Variants in CDYL2 observed in about 807,000 individuals in gnomAD.
CDYL2 encodes the protein chromodomain Y-like protein 2.
CDYL2 carries 23 observed loss-of-function variants against 49.4 expected under a neutral mutation model. The observed-to-expected ratio is 0.47, with a 90% CI of 0.34 to 0.66. The LOEUF is 0.66. CDYL2 is among the 30% of genes least tolerant of loss of function. The pLI is 0.01. For missense variants in CDYL2, 678 were observed against 656.4 expected (o/e 1.03, Z -0.36); for synonymous variants, 360 against 268.8 (o/e 1.34, Z -3.32).
chr16:80,611,460 G>A (rs1366767696), intron 5 of CDYL2, among the ~76,000 whole-genome samples: 5 of 152,132 alleles, frequency 3.3e-5, no homozygotes, highest in African/African-American at 9.7e-5. Flanking sequence ...CCACAGGGGA[G>A]GAGCCGTCAA....
chr16:80,694,062 A>G (rs1487666129), intron 1 of CDYL2, among the ~76,000 whole-genome samples: 2 of 152,262 alleles, frequency 1.3e-5, no homozygotes, highest in Non-Finnish European at 2.9e-5. Context: ...ACCAAGGACC[A>G]GTCTCATGGA....
intron 1 of CDYL2, among the ~76,000 whole-genome samples, chr16:80,698,492 CA>C (rs1392794711): frequency 6.6e-6 from 1 of 152,074 alleles, no homozygotes; most frequent in Non-Finnish European, 1.5e-5. Context: ...GGCCAATAAG[CA>C]TATGTGATAC....
chr16:80,782,659 G>A (rs1169943169), intron 1 of CDYL2, among the ~76,000 whole-genome samples: 1 of 151,536 alleles, frequency 6.6e-6, no homozygotes, highest in Non-Finnish European at 1.5e-5. Flanking sequence ...TGACCAAGAG[G>A]GATTTATCCC....
intron 2 of CDYL2, among the ~76,000 whole-genome samples, chr16:80,679,072 T>C (rs989468711): frequency 1.3e-4 from 16 of 125,314 alleles, no homozygotes; most frequent in Non-Finnish European, 2.2e-4. Context: ...TGAGAACACA[T>C]GGACACAGGA....
At position 80,684,953 on chromosome 16, in the gene CDYL2, C is replaced by T. The variant is rs1264736052; in HGVS notation, c.201G>A (p.Lys67=). 6.2e-7 allele frequency: 1 copy of T among 1,614,098 alleles called. No homozygotes were observed. Among genetic ancestry groups the T allele is most frequent in the East Asian group, 2.2e-5 (1 of 44,888 alleles). ...GLHMSKDKRI[K]SGKQSSTSKL... ...TGGAGGTACTGGACTGCTTCCCTGA[C>T]TTGATCCTCTTGTCCTTGGACATGT... is the stretch of plus-strand genomic sequence containing the variant. Residue 67 remains lysine, a synonymous_variant, in exon 2 of 7, where the codon AAG becomes AAA. Transcript: ENST00000570137.
At chr16:80,638,753 G>A (rs951123238) in intron 2 of CDYL2, among the ~76,000 whole-genome samples, 5 of 151,804 alleles carry the variant, frequency 3.3e-5, no homozygotes, top group Non-Finnish European at 4.4e-5. Context: ...AATTGTACTG[G>A]AACAAATGGA....
chr16:80,627,310 C>G (rs941852648), intron 3 of CDYL2, among the ~76,000 whole-genome samples: 4 of 152,018 alleles, frequency 2.6e-5, no homozygotes, highest in African/African-American at 9.7e-5. Context: ...AAAAGAAACC[C>G]TGCTGTAAAG....
intron 3 of CDYL2, among the ~76,000 whole-genome samples, chr16:80,630,170 T>G (rs13331986): frequency 0.056 from 8,500 of 152,296 alleles, 723 homozygotes; most frequent in African/African-American, 0.18. Flanking sequence ...TCCCCTTCAG[T>G]TGTTGAGACA....
intron 1 of CDYL2, among the ~76,000 whole-genome samples, chr16:80,707,484 T>C (rs1904445725): frequency 6.6e-6 from 1 of 151,956 alleles, no homozygotes; most frequent in Non-Finnish European, 1.5e-5. Context: ...GAAGAAAGTA[T>C]AAATGTGAAA....
intron 1 of CDYL2, among the ~76,000 whole-genome samples, chr16:80,715,059 C>A (rs534699327): frequency 6.6e-6 from 1 of 152,104 alleles, no homozygotes; most frequent in African/African-American, 2.4e-5. Flanking sequence ...TGCAAGTGAG[C>A]GGACATGCCT....
intron 2 of CDYL2, among the ~76,000 whole-genome samples, chr16:80,661,602 G>A (rs1485491840): frequency 1.3e-5 from 2 of 152,182 alleles, no homozygotes; most frequent in Admixed American, 6.5e-5. Flanking sequence ...CTTGATGCTG[G>A]ATTCGAGCAT....
intron 5 of CDYL2, among the ~76,000 whole-genome samples, chr16:80,611,053 C>G (rs1906572979): frequency 6.6e-6 from 1 of 152,166 alleles, no homozygotes; most frequent in African/African-American, 2.4e-5. Flanking sequence ...CAGGGCCTGC[C>G]AGGCCCACTC....
chr16:80,645,803 C>G (rs1400138660), intron 2 of CDYL2, among the ~76,000 whole-genome samples: 1 of 151,642 alleles, frequency 6.6e-6, no homozygotes, highest in Non-Finnish European at 1.5e-5. Context: ...TACTATGCAG[C>G]CATAAAAAAG....
chr16:80,721,572 G>C (rs536513664), intron 1 of CDYL2, among the ~76,000 whole-genome samples: 7 of 152,202 alleles, frequency 4.6e-5, no homozygotes, highest in African/African-American at 7.2e-5. Context: ...GCAAAGCCAA[G>C]CTGCTGGTGA....
At chr16:80,645,991 G>C (rs1444823632) in intron 2 of CDYL2, among the ~76,000 whole-genome samples, 1 of 121,786 alleles carries the variant, frequency 8.2e-6, no homozygotes, top group East Asian at 2.9e-4. Context: ...GTCATGGGGT[G>C]GGGGGAGGGG....
chr16:80,792,356 G>A (rs1907636624), intron 1 of CDYL2, among the ~76,000 whole-genome samples: 2 of 152,162 alleles, frequency 1.3e-5, no homozygotes, highest in South Asian at 2.1e-4. Context: ...ACTGAGAGTG[G>A]AGGGCCATTC....
In CDYL2 at chr16:80,623,344, T is replaced by C. The variant is rs574826351; in HGVS notation, c.835-2409A>G. On this transcript the variant is annotated intron_variant, in intron 3 of 6. Transcript: ENST00000570137. ...TCTCCCTATTTGTAAAATTCAGAGC[T>C]ACCTCAGATGAACCAACAAACAAGA... 1.2e-4 allele frequency among the ~76,000 whole-genome samples: 19 copies of C among 152,256 alleles called. No homozygotes were observed. In the South Asian group the frequency reaches 3.9e-3, roughly 32 times the overall value.
intron 2 of CDYL2, among the ~76,000 whole-genome samples, chr16:80,666,112 G>C (rs529795292): frequency 4.4e-4 from 67 of 152,288 alleles, no homozygotes; most frequent in African/African-American, 1.5e-3. Context: ...TGGCAGGCTT[G>C]CTATTCCCGG....
At chr16:80,797,541 T>C (rs1198702400) in intron 1 of CDYL2, among the ~76,000 whole-genome samples, 1 of 152,150 alleles carries the variant, frequency 6.6e-6, no homozygotes, top group Non-Finnish European at 1.5e-5. Context: ...ATACTCAACT[T>C]TCACCCTTCT....
Sources: gnomAD v4.1 joint callset for allele counts (sites outside exome capture counted in the v4.1 genomes callset) on GRCh38, gnomAD v4.1.1 for gene constraint, MANE v1.5 for transcripts, NCBI Gene and HGNC (gene_info 2026-07-23, HGNC 2026-07-21) for gene names.